Variants in PTPRJ observed in about 807,000 individuals in gnomAD.
PTPRJ encodes the protein receptor-type tyrosine-protein phosphatase eta.
PTPRJ carries 129 observed loss-of-function variants against 141.3 expected under a neutral mutation model. The ratio of observed to expected loss-of-function variants is 0.91; its 90% CI spans 0.79 to 1.06. PTPRJ has a LOEUF of 1.06. Ranked by LOEUF, PTPRJ falls within the 50% of genes least tolerant of loss-of-function variation. PTPRJ has a pLI of 0.00. For synonymous variants in PTPRJ, 610 were observed against 640.5 expected, an observed-to-expected ratio of 0.95 and a Z score of 0.72; for missense variants, 1,601 against 1,679.7, an observed-to-expected ratio of 0.95 and a Z score of 0.82.
Position 48,156,575 on chromosome 11 carries a change from G to GTTTTTTTTTTTTTTTT in PTPRJ, c.3438+456_3438+457insTTTTTTTTTTTTTTTT, listed in dbSNP as rs1565332039. On this transcript the variant is annotated intron_variant, in intron 21 of 24. Coordinates refer to ENST00000418331, the MANE Select transcript of PTPRJ (RefSeq NM_002843.4). ...TGAACCCCTCCTGCCTCCACCCCAG[G>GTTTTTTTTTTTTTTTT]GTTTTTTTTTTTTTTTTTTTTTTTT... Among the ~76,000 whole-genome samples the GTTTTTTTTTTTTTTTT allele has an allele frequency of 1.6e-5, 2 of 123,544 alleles. 1 individual carries two copies. The highest frequency in any genetic ancestry group is 6.1e-5 in the African/African-American group (2 of 33,034). The allele number at this position is 123,544 out of a possible 152,430, so 81.0% of individuals were successfully genotyped here. A position where few individuals can be genotyped will look rare whatever the true frequency, so the allele number is the denominator to read the frequency against.
chr11:48,069,318 T>C (rs1309918991), intron 1 of PTPRJ, among the ~76,000 whole-genome samples: 1 of 151,824 alleles, frequency 6.6e-6, no homozygotes, highest in Non-Finnish European at 1.5e-5. Flanking sequence ...CAGACTGGTC[T>C]TGAACTCCTG....
intron 1 of PTPRJ, among the ~76,000 whole-genome samples, chr11:48,013,287 G>T (rs1282872628): frequency 6.6e-6 from 1 of 152,082 alleles, no homozygotes; most frequent in Non-Finnish European, 1.5e-5. Context: ...GAATCTGGTG[G>T]CTGTGTAGAT....
chr11:48,148,440 ATT>A (rs879923314), intron 15 of PTPRJ, among the ~76,000 whole-genome samples: 5 of 143,976 alleles, frequency 3.5e-5, no homozygotes, highest in Non-Finnish European at 4.6e-5. Flanking sequence ...TTTCATCACA[ATT>A]TTTTTTTTTT....
chr11:48,140,145 G>T (rs1163725014), intron 11 of PTPRJ, among the ~76,000 whole-genome samples: 1 of 152,036 alleles, frequency 6.6e-6, no homozygotes, highest in Non-Finnish European at 1.5e-5. Flanking sequence ...AGTGATTTTG[G>T]TGCCTCAGCC....
At position 48,164,403 on chromosome 11, in the gene PTPRJ, C is replaced by T. The variant is rs779259216; in HGVS notation, c.3743C>T (p.Thr1248Ile). The T allele has an allele frequency of 1.9e-6, 3 of 1,613,914 alleles. No individual in the cohort carries two copies. The highest frequency in any genetic ancestry group is 1.7e-5 in the Admixed American group (1 of 59,980). The change falls in exon 24 of 25, where the codon ACT becomes ATT. Residue 1248 changes from threonine (T) to isoleucine (I), a missense_variant. By Grantham distance (89) the Thr-to-Ile change is moderately conservative (BLOSUM62 -1). Coordinates refer to ENST00000418331, the MANE Select transcript of PTPRJ (RefSeq NM_002843.4). ...HCSAGVGRTG[T>I]FIAIDRLIYQ... ...AGTGCTGGGGTCGGAAGGACGGGCA[C>T]TTTCATTGCCATTGATCGTCTCATC...
intron 1 of PTPRJ, among the ~76,000 whole-genome samples, chr11:48,015,670 A>C (rs1403991466): frequency 6.6e-6 from 1 of 151,588 alleles, no homozygotes; most frequent in African/African-American, 2.4e-5. Flanking sequence ...TGAGGTCAGG[A>C]GTTCAAGACC....
chr11:48,118,764 TC>T (rs1856629278), intron 3 of PTPRJ, among the ~76,000 whole-genome samples: 1 of 152,218 alleles, frequency 6.6e-6, no homozygotes, highest in South Asian at 2.1e-4. Flanking sequence ...AACTGTGCTT[TC>T]TTTTCTGAAC....
At chr11:48,010,517 G>C (rs1162897945) in intron 1 of PTPRJ, among the ~76,000 whole-genome samples, 1 of 151,800 alleles carries the variant, frequency 6.6e-6, no homozygotes, top group Admixed American at 6.6e-5. Context: ...TGAAGACATG[G>C]GACTTGAGTT....
Position 48,126,815 on chromosome 11 carries a change from C to A in PTPRJ, c.1094-965C>A, listed in dbSNP as rs1046887954. ...ACACACACACACACACACACACACA[C>A]ACACAGATAAACACACATTTCCACC... On this transcript the variant is annotated intron_variant, in intron 6 of 24. Coordinates refer to ENST00000418331, the MANE Select transcript of PTPRJ (RefSeq NM_002843.4). 3.4e-4 allele frequency among the ~76,000 whole-genome samples: 47 copies of A among 138,210 alleles called. 1 individual carries two copies. Among genetic ancestry groups the A allele is most frequent in the African/African-American group, 1.3e-3 (43 of 32,172 alleles). The allele number at this position is 138,210 out of a possible 152,430, so 90.7% of individuals were successfully genotyped here. A position where few individuals can be genotyped will look rare whatever the true frequency, so the allele number is the denominator to read the frequency against.
At chr11:48,164,583 T>C (rs1247112105) in intron 24 of PTPRJ, 68 bp downstream of exon 24, 1 of 1,034,456 alleles carries the variant, frequency 9.7e-7, no homozygotes, top group African/African-American at 1.6e-5. Context: ...TTTTTTTTTT[T>C]TGAGACGGAG....
intron 24 of PTPRJ, among the ~76,000 whole-genome samples, chr11:48,165,226 A>G (rs1328125046): frequency 7.2e-5 from 11 of 152,252 alleles, no homozygotes; most frequent in African/African-American, 2.7e-4. Flanking sequence ...AAACTCATCA[A>G]ACATTAATGA....
At chr11:48,092,996 A>G (rs1468720975) in intron 1 of PTPRJ, among the ~76,000 whole-genome samples, 3 of 152,192 alleles carry the variant, frequency 2.0e-5, no homozygotes, top group African/African-American at 7.2e-5. Flanking sequence ...TTCTGCATTC[A>G]CTGAGATGAC....
At chr11:48,139,401 T>TC in intron 10 of PTPRJ, 85 bp from the exon 11 acceptor site, 1 of 1,434,280 alleles carries the variant, frequency 7.0e-7, no homozygotes, top group Non-Finnish European at 9.6e-7. Context: ...CACCTTCTCA[T>TC]CCCCAGGATT....
intron 1 of PTPRJ, among the ~76,000 whole-genome samples, chr11:48,064,088 AT>A (rs1037061887): frequency 1.3e-5 from 2 of 151,782 alleles, no homozygotes; most frequent in African/African-American, 4.8e-5. Flanking sequence ...TGACTTAATC[AT>A]TTTTTAGGCC....
chr11:47,993,404 T>G (rs1854246978), intron 1 of PTPRJ, among the ~76,000 whole-genome samples: 1 of 152,162 alleles, frequency 6.6e-6, no homozygotes. Context: ...GTGATCCTCC[T>G]GCCTCAGCCT....
chr11:48,135,134 G>A (rs1197553845), intron 8 of PTPRJ, among the ~76,000 whole-genome samples: 2 of 149,200 alleles, frequency 1.3e-5, no homozygotes, highest in Admixed American at 6.7e-5. Flanking sequence ...TAAAAAAACT[G>A]AATGTGATTT....
Position 48,123,955 on chromosome 11 carries a change from A to T in PTPRJ, c.874+85A>T, listed in dbSNP as rs572451716. 11 of 1,413,212 alleles carry T rather than the reference A, an allele frequency of 7.8e-6. 1 individual carries two copies. In the South Asian group the frequency reaches 1.5e-4, roughly 19 times the overall value. The allele number at this position is 1,413,212 out of a possible 1,614,324, so 87.5% of individuals were successfully genotyped here. On this transcript the variant is annotated intron_variant, in intron 5 of 24. Coordinates refer to ENST00000418331, the MANE Select transcript of PTPRJ (RefSeq NM_002843.4). ...GTTCTAAAAAATAAATTGCTCTTCC[A>T]TGTGTATGGAGATTTAGAATTTATA...
chr11:48,159,317 T>C (rs1267289479), intron 21 of PTPRJ, among the ~76,000 whole-genome samples: 2 of 152,194 alleles, frequency 1.3e-5, no homozygotes, highest in South Asian at 2.1e-4. Flanking sequence ...TTGCAACCGA[T>C]GTATATCTGA....
intron 11 of PTPRJ, among the ~76,000 whole-genome samples, chr11:48,140,276 C>T (rs984801593): frequency 7.9e-5 from 12 of 152,298 alleles, no homozygotes; most frequent in Middle Eastern, 3.4e-3. Context: ...GTGATCCACC[C>T]GCCTTGGCCT....
Sources: allele counts gnomAD v4.1 joint callset (sites outside exome capture counted in the v4.1 genomes callset), GRCh38; gene constraint gnomAD v4.1.1; transcripts MANE v1.5; gene names NCBI Gene and HGNC (gene_info 2026-07-23, HGNC 2026-07-21).